The following HUWE1 variants were observed in gnomAD, a reference collection of about 807,000 sequenced individuals.
HUWE1 encodes the protein E3 ubiquitin-protein ligase HUWE1.
HUWE1 carries 18 observed loss-of-function variants against 299.4 expected under a neutral mutation model. The observed-to-expected ratio is 0.06, with a 90% CI of 0.04 to 0.09. The LOEUF (loss-of-function observed/expected upper bound fraction) is 0.09, where lower values mean the gene tolerates loss of function less well. Ranked by LOEUF, HUWE1 falls within the 10% of genes least tolerant of loss-of-function variation. The pLI is 1.00. For missense variants in HUWE1, 1,832 were observed against 3,462.3 expected (o/e 0.53, Z 11.82); for synonymous variants, 1,317 against 1,286.1 (o/e 1.02, Z -0.51).
chrX:53,544,503 G>T, intron 72 of HUWE1, 57 bp downstream of exon 72: 1 of 989,509 alleles, frequency 1.0e-6, no homozygotes, highest in Non-Finnish European at 1.4e-6. Flanking sequence ...CACCTCCAAG[G>T]AATCTGGCTT....
intron 37 of HUWE1, among the ~76,000 whole-genome samples, chrX:53,587,980 C>T (rs782660700): frequency 8.9e-6 from 1 of 112,050 alleles, no homozygotes; most frequent in African/African-American, 3.2e-5. Context: ...ATCCAATTTG[C>T]ATACCCTACT....
intron 25 of HUWE1, among the ~76,000 whole-genome samples, chrX:53,606,501 T>C (rs2065159810): frequency 1.8e-5 from 2 of 111,292 alleles, no homozygotes; most frequent in African/African-American, 6.5e-5. Context: ...AAAAGTAGAG[T>C]CTCAAAGAGT....
At chrX:53,580,724 C>T in intron 43 of HUWE1, 107 bp downstream of exon 43, 1 of 763,522 alleles carries the variant, frequency 1.3e-6, no homozygotes, top group Admixed American at 2.7e-5. Flanking sequence ...TGTCCTAATA[C>T]TTGCCTAAGG....
At chrX:53,679,930 T>C in intron 3 of HUWE1, 119 bp downstream of exon 3, 1 of 291,747 alleles carries the variant, frequency 3.4e-6, no homozygotes, top group Non-Finnish European at 6.0e-6. Context: ...CCACATCAGA[T>C]CCAGAGAATG....
At chrX:53,624,283 CCTCT>C (rs1179878084) in intron 19 of HUWE1, among the ~76,000 whole-genome samples, 2 of 111,548 alleles carry the variant, frequency 1.8e-5, no homozygotes, top group African/African-American at 6.5e-5. Context: ...CCATGCCCGG[CCTCT>C]CTGTGTTTTA....
chrX:53,671,848 G>A, intron 3 of HUWE1, among the ~76,000 whole-genome samples: 1 of 103,161 alleles, frequency 9.7e-6, no homozygotes. Context: ...CAGAGACATG[G>A]AACGGGTCAA....
chrX:53,587,637 G>A lies in HUWE1; in HGVS notation c.4615-728C>T, dbSNP rs1602902694. ...TAGTACTCTGAAACCTTTCCCACAA[G>A]TATCTATTTACAAAGTGCTACAGTA... On this transcript the variant is annotated intron_variant, in intron 37 of 83. Transcript: ENST00000262854. Among the ~76,000 whole-genome samples the A allele has an allele frequency of 5.4e-5, 6 of 111,669 alleles. No homozygotes were observed. In the South Asian group the frequency reaches 2.3e-3, roughly 42 times the overall value.
chrX:53,552,806 C>A lies in HUWE1; in HGVS notation c.8582G>T (p.Ser2861Ile), dbSNP rs1331959573. 1 of 1,210,007 alleles carries A rather than the reference C, an allele frequency of 8.3e-7. No individual in the cohort carries two copies. ...CTCCTCTAAGGTACAGGAAGCCAGG[C>A]TGCTTGTATCCATAGGAGAGCCTTC... ...QLEGSPMDTS[S>I]LASCTLEEAV... The change falls in exon 62 of 84, where the codon AGC becomes ATC. Residue 2861 changes from serine to isoleucine, a missense_variant. By Grantham distance (142) the Ser-to-Ile change is moderately radical (BLOSUM62 -2). This residue lies in a region of HUWE1 where 143 missense variants were observed against 148.1 expected (regional missense o/e 0.97). Transcript: ENST00000262854.
chrX:53,605,112 T>A (rs1223104021), intron 25 of HUWE1, among the ~76,000 whole-genome samples: 5 of 112,251 alleles, frequency 4.5e-5, no homozygotes, highest in Admixed American at 9.4e-5. Flanking sequence ...ACGGCAAGGA[T>A]TCTACACTAT....
intron 7 of HUWE1, 129 bp downstream of exon 7, chrX:53,645,182 T>C: frequency 1.5e-6 from 1 of 662,543 alleles, no homozygotes. Context: ...CACCAATAGT[T>C]CTAACTCAAT....
rs369174520 is a variant in HUWE1 at position 53,539,820 on chromosome X, G to A, written c.11477-8C>T. The A allele has an allele frequency of 1.7e-6, 2 of 1,201,904 alleles. No homozygotes were observed. Among genetic ancestry groups the A allele is most frequent in the African/African-American group, 3.5e-5 (2 of 57,065 alleles). ...GTGGGGTTCCATCGGAGGCTGGAGG[G>A]CACACAGAAGAGAGTCAGAAAGTCT... On this transcript the variant is annotated splice_polypyrimidine_tract_variant and splice_region_variant and intron_variant, in intron 74 of 83. Coordinates refer to ENST00000262854, the MANE Select transcript of HUWE1 (RefSeq NM_031407.7).
rs782064725 is a variant in HUWE1, at chrX:53,562,126, A to T, written c.7323T>A (p.Asp2441Glu). ...SQDEEEEEEEDEEDDQEDDEG... is the reference protein window; with the variant it reads ...SQDEEEEEEEEEEDDQEDDEG... The stretch of plus-strand genomic sequence containing the variant: ...CCCCCCTCACCTGATCATCTTCCTC[A>T]TCTTCCTCCTCCTCCTCCTCTTCAT... The change falls in exon 54 of 84, where the codon GAT becomes GAA. Residue 2441 changes from aspartate to glutamate, a missense_variant. By Grantham distance (45) the Asp-to-Glu change is conservative (BLOSUM62 2). This residue lies in a region of HUWE1 where 170 missense variants were observed against 335.8 expected (regional missense o/e 0.51). Transcript: ENST00000262854. 7 of 1,200,971 alleles carry T rather than the reference A, an allele frequency of 5.8e-6. No individual in the cohort carries two copies. Among genetic ancestry groups the T allele is most frequent in the Non-Finnish European group, 6.8e-6 (6 of 886,335 alleles).
At chrX:53,573,107 T>C (rs1411430642) in intron 47 of HUWE1, among the ~76,000 whole-genome samples, 1 of 111,929 alleles carries the variant, frequency 8.9e-6, no homozygotes, top group African/African-American at 3.3e-5. Flanking sequence ...GATTACTCTA[T>C]CAGATTCCTA....
At chrX:53,643,743 A>C (rs2067775938) in intron 7 of HUWE1, among the ~76,000 whole-genome samples, 1 of 112,327 alleles carries the variant, frequency 8.9e-6, no homozygotes. Flanking sequence ...CTGTGCTTTT[A>C]CTAGTTATAA....
At chrX:53,553,997 G>A (rs1949364918) in intron 61 of HUWE1, among the ~76,000 whole-genome samples, 1 of 110,456 alleles carries the variant, frequency 9.1e-6, no homozygotes, top group South Asian at 3.9e-4. Context: ...TTTCAAACCA[G>A]TGAGAAATAG....
At chrX:53,645,886 G>A (rs1385469752) in intron 6 of HUWE1, among the ~76,000 whole-genome samples, 2 of 106,743 alleles carry the variant, frequency 1.9e-5, no homozygotes, top group East Asian at 2.9e-4. Context: ...TCAAAATTGC[G>A]CAGGTTTTCC....
chrX:53,638,329 G>C (rs1478357711), intron 7 of HUWE1, among the ~76,000 whole-genome samples: 7 of 110,829 alleles, frequency 6.3e-5, no homozygotes, highest in Non-Finnish European at 1.3e-4. Context: ...GACAGAGCGA[G>C]ACTCCGTCTC....
intron 74 of HUWE1, among the ~76,000 whole-genome samples, chrX:53,541,906 C>T (rs1056761419): frequency 4.5e-5 from 5 of 111,299 alleles, no homozygotes; most frequent in Admixed American, 1.9e-4. Context: ...CTGGGCTGGG[C>T]GCAGTGGCTC....
chrX:53,602,697 A>G lies in HUWE1; in HGVS notation c.2877-39T>C, dbSNP rs782798708. 8.9e-6 allele frequency: 6 copies of G among 674,950 alleles called. No homozygotes were observed. In the East Asian group the frequency reaches 1.1e-4, roughly 12 times the overall value. The allele number at this position is 674,950 out of a possible 1,213,427, so 55.6% of individuals were successfully genotyped here. ...AATGCTGAGCAAAAGAAATATATAT[A>G]TATATATACTGATAATTCACCTCTT... On this transcript the variant is annotated intron_variant, in intron 27 of 83. Coordinates refer to ENST00000262854, the MANE Select transcript of HUWE1 (RefSeq NM_031407.7).
Sources: allele counts gnomAD v4.1 joint callset (sites outside exome capture counted in the v4.1 genomes callset), GRCh38; gene constraint gnomAD v4.1.1; regional missense constraint gnomAD v4.1.1; transcripts MANE v1.5; gene names NCBI Gene and HGNC (gene_info 2026-07-23, HGNC 2026-07-21).